Variants in MACROD1 observed in about 807,000 individuals in gnomAD.
MACROD1 encodes mono-ADP ribosylhydrolase 1, also known as ADP-ribose glycohydrolase MACROD1.
A neutral mutation model predicts 41.4 loss-of-function variants in MACROD1; 31 were observed. That is an observed-to-expected ratio of 0.75 (90% CI 0.56 to 1.01). The LOEUF (loss-of-function observed/expected upper bound fraction) is 1.01. Ranked by LOEUF, MACROD1 falls within the 50% of genes least tolerant of loss-of-function variation. MACROD1 has a pLI of 0.00. For synonymous variants in MACROD1, 252 were observed against 203.4 expected, an observed-to-expected ratio of 1.24 and a Z score of -2.03; for missense variants, 473 against 460.0, an observed-to-expected ratio of 1.03 and a Z score of -0.26.
chr11:64,030,054 C>A (rs1254142884), intron 3 of MACROD1, among the ~76,000 whole-genome samples: 3 of 152,050 alleles, frequency 2.0e-5, no homozygotes, highest in Non-Finnish European at 4.4e-5. Flanking sequence ...GGAACAACCA[C>A]CCCCCGGGTG....
At chr11:64,134,450 G>A (rs1945305561) in intron 3 of MACROD1, among the ~76,000 whole-genome samples, 1 of 152,228 alleles carries the variant, frequency 6.6e-6, no homozygotes, top group Admixed American at 6.5e-5. Context: ...GGGTGAGACT[G>A]GAAGTTGAAC....
intron 3 of MACROD1, among the ~76,000 whole-genome samples, chr11:64,106,849 C>T (rs935472349): frequency 1.3e-5 from 2 of 152,172 alleles, no homozygotes; most frequent in Non-Finnish European, 2.9e-5. Context: ...CTCTCCTTCC[C>T]TCTGAAATTC....
intron 3 of MACROD1, among the ~76,000 whole-genome samples, chr11:64,075,802 A>C (rs548925657): frequency 2.4e-4 from 37 of 152,234 alleles, no homozygotes; most frequent in Non-Finnish European, 5.1e-4. Context: ...CCTCCCAAGT[A>C]GCTGGAGTTA....
At chr11:64,163,730 C>G (rs1225740905) in intron 1 of MACROD1, among the ~76,000 whole-genome samples, 1 of 152,248 alleles carries the variant, frequency 6.6e-6, no homozygotes, top group Non-Finnish European at 1.5e-5. Context: ...CTAAGCTTCT[C>G]TCAGTTTCCT....
At chr11:64,101,047 C>T (rs1490574290) in intron 3 of MACROD1, among the ~76,000 whole-genome samples, 1 of 152,112 alleles carries the variant, frequency 6.6e-6, no homozygotes, top group African/African-American at 2.4e-5. Flanking sequence ...CTCAGGTCCT[C>T]CCTTGAAGCC....
Position 64,151,495 on chromosome 11 carries a change from C to T in MACROD1, c.401-140G>A, listed in dbSNP as rs184811136. ...GCCTGCAGCACGATGACTGCTGACC[C>T]AGTACCAGGAACCCACACTGAGGAG... is the stretch of plus-strand genomic sequence containing the variant. On this transcript the variant is annotated intron_variant, in intron 2 of 10. Coordinates refer to ENST00000255681, the MANE Select transcript of MACROD1 (RefSeq NM_014067.4). 3.4e-3 allele frequency: 2,177 copies of T among 638,412 alleles called. 5 individuals are homozygous for T. Among genetic ancestry groups the T allele is most frequent in the Admixed American group, 7.3e-3 (274 of 37,700 alleles). 39.5% of individuals were successfully genotyped at this position (638,412 alleles called of 1,614,324 possible).
intron 4 of MACROD1, among the ~76,000 whole-genome samples, chr11:64,014,232 G>GTC (rs1943051625): frequency 6.6e-6 from 1 of 152,114 alleles, no homozygotes; most frequent in African/African-American, 2.4e-5. Flanking sequence ...GTCCTAGGTG[G>GTC]TCTGTTTTCA....
At chr11:64,045,550 C>T (rs1943568917) in intron 3 of MACROD1, among the ~76,000 whole-genome samples, 1 of 152,128 alleles carries the variant, frequency 6.6e-6, no homozygotes, top group Admixed American at 6.5e-5. Flanking sequence ...ACTTATGGGA[C>T]CCAATTTGGT....
intron 3 of MACROD1, among the ~76,000 whole-genome samples, chr11:64,038,178 G>A (rs951250655): frequency 6.6e-6 from 1 of 152,168 alleles, no homozygotes; most frequent in Non-Finnish European, 1.5e-5. Flanking sequence ...ATGGGGAGGG[G>A]GTGCTGCCAT....
At chr11:64,115,077 G>A (rs1322675275) in intron 3 of MACROD1, among the ~76,000 whole-genome samples, 5 of 152,158 alleles carry the variant, frequency 3.3e-5, no homozygotes, top group Non-Finnish European at 7.4e-5. Context: ...CTCCCAGGCT[G>A]GGACTTCAGG....
chr11:63,998,742 G>A, intron 10 of MACROD1, 55 bp from the exon 11 acceptor site: 1 of 1,419,070 alleles, frequency 7.0e-7, no homozygotes, highest in Non-Finnish European at 9.2e-7. Context: ...CTCCCAGGCT[G>A]CCCCGTGGTT....
intron 1 of MACROD1, among the ~76,000 whole-genome samples, chr11:64,153,299 T>A (rs751418715): frequency 2.1e-4 from 32 of 152,190 alleles, no homozygotes; most frequent in Admixed American, 3.9e-4. Context: ...CCTGGCACCC[T>A]GGACCACAGG....
At chr11:64,132,613 C>G (rs535434980) in intron 3 of MACROD1, among the ~76,000 whole-genome samples, 2 of 152,258 alleles carry the variant, frequency 1.3e-5, no homozygotes, top group Admixed American at 1.3e-4. Flanking sequence ...CAGGGATGTG[C>G]TCTATTGAGC....
At chr11:64,030,416 T>A (rs921625547) in intron 3 of MACROD1, among the ~76,000 whole-genome samples, 3 of 152,180 alleles carry the variant, frequency 2.0e-5, no homozygotes, top group South Asian at 2.1e-4. Flanking sequence ...TGTCCCCACA[T>A]GCTGGACACT....
intron 4 of MACROD1, chr11:64,001,371 G>A (rs922338775): frequency 5.7e-5 from 40 of 698,276 alleles, no homozygotes; most frequent in South Asian, 4.2e-4. Flanking sequence ...AGCTCTGATC[G>A]CCCACGCCAG....
chr11:64,039,631 G>A (rs1943448174), intron 3 of MACROD1, among the ~76,000 whole-genome samples: 1 of 152,224 alleles, frequency 6.6e-6, no homozygotes, highest in Non-Finnish European at 1.5e-5. Flanking sequence ...CAGCCTGCCT[G>A]GAGTTCTCTG....
At chr11:64,101,566 C>T (rs1041029613) in intron 3 of MACROD1, among the ~76,000 whole-genome samples, 1 of 152,152 alleles carries the variant, frequency 6.6e-6, no homozygotes, top group South Asian at 2.1e-4. Flanking sequence ...TTCTGCGCCC[C>T]GGCCAGGGAG....
In MACROD1 at chr11:64,166,080, C is replaced by G; in HGVS notation, c.-86G>C. 8.2e-7 allele frequency: 1 copy of G among 1,219,790 alleles called. No individual in the cohort carries two copies. The highest frequency in any genetic ancestry group is 1.0e-6 in the Non-Finnish European group (1 of 978,046). The allele number at this position is 1,219,790 out of a possible 1,614,324, so 75.6% of individuals were successfully genotyped here. ...GTCTCTCCCTTATTTACTCTGGGAC[C>G]GGGTGGCGACTGCCAGCCAGCGGCG... On this transcript the variant is annotated 5_prime_UTR_variant, in exon 1 of 11. Coordinates refer to ENST00000255681, the MANE Select transcript of MACROD1 (RefSeq NM_014067.4).
intron 3 of MACROD1, among the ~76,000 whole-genome samples, chr11:64,057,107 G>A (rs1464221045): frequency 1.3e-5 from 2 of 152,232 alleles, no homozygotes; most frequent in African/African-American, 2.4e-5. Context: ...AGGGCTTCCT[G>A]TGTGTTCATC....
Sources: gnomAD v4.1 joint callset for allele counts (sites outside exome capture counted in the v4.1 genomes callset) on GRCh38, gnomAD v4.1.1 for gene constraint, MANE v1.5 for transcripts, NCBI Gene and HGNC (gene_info 2026-07-23, HGNC 2026-07-21) for gene names.